The following FLT3 variants were observed in gnomAD, a reference collection of about 807,000 sequenced individuals.
The protein encoded by FLT3 is receptor-type tyrosine-protein kinase FLT3.
In FLT3, 46 loss-of-function variants were observed where a neutral mutation model predicts 126.6. The observed-to-expected ratio is 0.36, with a 90% CI of 0.29 to 0.46. The LOEUF (loss-of-function observed/expected upper bound fraction) is 0.46, where lower values mean the gene tolerates loss of function less well. Among genes scored for constraint, FLT3 ranks in the 20% least tolerant of loss-of-function variants. The pLI is 1.00. For synonymous variants in FLT3, 404 were observed against 434.4 expected (o/e 0.93, Z 0.87); for missense variants, 1,069 against 1,190.3 (o/e 0.90, Z 1.50).
chr13:28,072,927 C>G (rs1365963314), intron 1 of FLT3, among the ~76,000 whole-genome samples: 1 of 151,968 alleles, frequency 6.6e-6, no homozygotes, highest in Admixed American at 6.6e-5. Flanking sequence ...ATAGCGTAAA[C>G]CCGGGAGGCG....
intron 1 of FLT3, among the ~76,000 whole-genome samples, chr13:28,092,324 C>A (rs1463472469): frequency 6.6e-6 from 1 of 151,258 alleles, no homozygotes; most frequent in African/African-American, 2.4e-5. Flanking sequence ...TTGACTCCTC[C>A]CTCTCCCTCA....
At chr13:28,019,094 A>T (rs1872153979) in intron 19 of FLT3, among the ~76,000 whole-genome samples, 1 of 151,058 alleles carries the variant, frequency 6.6e-6, no homozygotes, top group Admixed American at 6.6e-5. Flanking sequence ...CAGCCTCCCG[A>T]GTTGCTGGGA....
In FLT3 at chr13:28,100,108, C is replaced by T. The variant is rs1055419250; in HGVS notation, c.43+360G>A. On this transcript the variant is annotated intron_variant, in intron 1 of 23. Coordinates refer to ENST00000241453, the MANE Select transcript of FLT3 (RefSeq NM_004119.3). The surrounding 1 kb of genome is among the most constrained non-coding windows in gnomAD (Gnocchi z 4.8). ...CCACCTGGCGCCGAGTTCGCGGCCG[C>T]AGACTCCCACGGACGGCCCAGCACC... 2.6e-4 allele frequency among the ~76,000 whole-genome samples: 39 copies of T among 152,252 alleles called. No individual in the cohort carries two copies. The highest frequency in any genetic ancestry group is 8.7e-4 in the African/African-American group (36 of 41,578).
chr13:28,011,715 TTCTTTCTTTC>T (rs954281564), intron 23 of FLT3, among the ~76,000 whole-genome samples: 2 of 17,720 alleles, frequency 1.1e-4, no homozygotes, highest in African/African-American at 2.2e-4. Flanking sequence ...CTTTTTCTCT[TTCTTTCTTTC>T]TCTCTTTCTT....
intron 18 of FLT3, 39 bp from the exon 19 acceptor site, chr13:28,023,516 T>C: frequency 3.1e-6 from 5 of 1,609,258 alleles, no homozygotes; most frequent in Non-Finnish European, 3.4e-6. Context: ...GCCAAAACTC[T>C]AAGAAGTTGC....
chr13:28,073,178 A>C (rs965240869), intron 1 of FLT3, among the ~76,000 whole-genome samples: 24 of 151,986 alleles, frequency 1.6e-4, no homozygotes, highest in Admixed American at 1.5e-3. Flanking sequence ...ATATCTCTAA[A>C]AATTTTTTTT....
intron 5 of FLT3, among the ~76,000 whole-genome samples, chr13:28,051,845 C>CCTA (rs1875514201): frequency 2.6e-5 from 4 of 151,688 alleles, no homozygotes; most frequent in African/African-American, 7.3e-5. Flanking sequence ...TGTGCCCAGC[C>CCTA]TAGAATTTCT....
chr13:28,025,437 A>G (rs1218830102), intron 17 of FLT3: 1 of 451,520 alleles, frequency 2.2e-6, no homozygotes, highest in African/African-American at 2.0e-5. Context: ...ATAAATAGCA[A>G]TAATACAAAT....
intron 20 of FLT3, among the ~76,000 whole-genome samples, chr13:28,016,954 T>C (rs1159409904): frequency 6.6e-6 from 1 of 152,142 alleles, no homozygotes; most frequent in Non-Finnish European, 1.5e-5. Context: ...ATTGGCTTTT[T>C]CCCACATCAA....
intron 1 of FLT3, among the ~76,000 whole-genome samples, chr13:28,088,727 G>A (rs963527320): frequency 2.0e-5 from 3 of 151,172 alleles, no homozygotes; most frequent in South Asian, 4.2e-4. Context: ...TGGGATTACA[G>A]GCGCCCACCA....
chr13:28,091,144 G>A (rs1201657454), intron 1 of FLT3, among the ~76,000 whole-genome samples: 1 of 142,730 alleles, frequency 7.0e-6, no homozygotes, highest in Non-Finnish European at 1.5e-5. Context: ...TCCCTCTTCT[G>A]AAAGTTATCA....
intron 12 of FLT3, 62 bp downstream of exon 12, chr13:28,035,433 T>C (rs769444234): frequency 7.4e-6 from 11 of 1,488,556 alleles, no homozygotes; most frequent in Non-Finnish European, 9.2e-6. Flanking sequence ...AAGTCAGCGA[T>C]GGGGACTAAC....
chr13:28,097,833 A>G (rs1312269045), intron 1 of FLT3, among the ~76,000 whole-genome samples: 1 of 152,250 alleles, frequency 6.6e-6, no homozygotes, highest in Admixed American at 6.5e-5. Flanking sequence ...TCAAATGTGC[A>G]GTTCAAGGCT....
At position 28,053,900 on chromosome 13, in the gene FLT3, G is replaced by A. The variant is rs995280567; in HGVS notation, c.485-1226C>T. On this transcript the variant is annotated intron_variant, in intron 4 of 23. Transcript: ENST00000241453. ...CAGGGTCTCTGTCACCCAGGCTGGA[G>A]TGCAGTGGTGCAATCTCAGCTCACT... Among the ~76,000 whole-genome samples, 2 of 152,030 alleles carry A rather than the reference G, an allele frequency of 1.3e-5. 1 individual carries two copies.
chr13:28,094,105 T>C (rs146440625), intron 1 of FLT3, among the ~76,000 whole-genome samples: 1 of 152,312 alleles, frequency 6.6e-6, no homozygotes, highest in East Asian at 1.9e-4. Flanking sequence ...TATCTCCTTT[T>C]TACAAATGAG....
chr13:28,087,375 G>A (rs1878741394), intron 1 of FLT3, among the ~76,000 whole-genome samples: 1 of 152,140 alleles, frequency 6.6e-6, no homozygotes, highest in African/African-American at 2.4e-5. Flanking sequence ...TTTCTTCACT[G>A]TCTTTTGACT....
intron 1 of FLT3, among the ~76,000 whole-genome samples, chr13:28,084,174 T>G (rs1381054056): frequency 6.6e-6 from 1 of 151,864 alleles, no homozygotes; most frequent in Non-Finnish European, 1.5e-5. Flanking sequence ...TTTTATTTTT[T>G]GGGAGACGAG....
At chr13:28,047,517 C>A (rs576271762) in intron 9 of FLT3, among the ~76,000 whole-genome samples, 7 of 151,972 alleles carry the variant, frequency 4.6e-5, no homozygotes, top group Non-Finnish European at 8.8e-5. Flanking sequence ...CCGAGACCAG[C>A]CTGCGCAACA....
chr13:28,014,462 G>T lies in FLT3; in HGVS notation c.2849C>A (p.Ala950Glu). The change falls in exon 23 of 24, where the codon GCA becomes GAA. Residue 950 changes from alanine to glutamate, a missense_variant. Transcript: ENST00000241453. ...CTGGCTGCTACATACCGCTTCTTCT[G>T]CATCTGCCAGCTGACATCCTAAAAA... ...TSFLGCQLAD[A>E]EEAMYQNVDG... The T allele has an allele frequency of 6.2e-7, 1 of 1,611,682 alleles. No individual in the cohort carries two copies. The highest frequency in any genetic ancestry group is 1.1e-5 in the South Asian group (1 of 91,030).
Sources: gnomAD v4.1 joint callset for allele counts (sites outside exome capture counted in the v4.1 genomes callset) on GRCh38, gnomAD v4.1.1 for gene constraint, Gnocchi (gnomAD v3.1) non-coding constraint, MANE v1.5 for transcripts, NCBI Gene and HGNC (gene_info 2026-07-23, HGNC 2026-07-21) for gene names.